The following PCSK6 variants were observed in gnomAD, a reference collection of about 807,000 sequenced individuals.
The protein encoded by PCSK6 is paired basic amino acid cleaving enzyme 4.
PCSK6 carries 85 observed loss-of-function variants against 123.3 expected under a neutral mutation model. The observed-to-expected ratio is 0.69, with a 90% CI of 0.58 to 0.83. The LOEUF (loss-of-function observed/expected upper bound fraction) is 0.83, where lower values mean the gene tolerates loss of function less well. Among genes scored for constraint, PCSK6 ranks in the 40% least tolerant of loss-of-function variants. PCSK6 has a pLI of 0.00. For synonymous variants in PCSK6, 508 were observed against 516.0 expected (o/e 0.98, Z 0.21); for missense variants, 1,191 against 1,282.3 (o/e 0.93, Z 1.09).
At chr15:101,447,532 A>T (rs1244642207) in intron 1 of PCSK6, among the ~76,000 whole-genome samples, 2 of 152,206 alleles carry the variant, frequency 1.3e-5, no homozygotes, top group Non-Finnish European at 2.9e-5. Context: ...ATACTAAATG[A>T]CATACAGATA....
At chr15:101,449,541 G>T (rs981786690) in intron 1 of PCSK6, among the ~76,000 whole-genome samples, 6 of 152,174 alleles carry the variant, frequency 3.9e-5, no homozygotes, top group African/African-American at 1.4e-4. Context: ...TCTCACATCC[G>T]AGTGAGCCTC....
intron 15 of PCSK6, among the ~76,000 whole-genome samples, chr15:101,328,442 A>G (rs1321521438): frequency 1.3e-5 from 2 of 152,160 alleles, no homozygotes; most frequent in Non-Finnish European, 2.9e-5. Flanking sequence ...CAGGTGCTCA[A>G]TCACTATTTG....
chr15:101,439,750 C>G (rs946638802), intron 2 of PCSK6, among the ~76,000 whole-genome samples: 2 of 152,250 alleles, frequency 1.3e-5, no homozygotes, highest in Non-Finnish European at 2.9e-5. Context: ...TGATTAAACT[C>G]CGGGGGCAAA....
intron 20 of PCSK6, chr15:101,312,494 A>C (rs1343050355): frequency 6.7e-6 from 1 of 150,240 alleles, no homozygotes; most frequent in Non-Finnish European, 1.5e-5. Context: ...TAGAATGAGG[A>C]AATTGTCAGG....
intron 6 of PCSK6, among the ~76,000 whole-genome samples, chr15:101,412,500 T>C (rs958630186): frequency 2.6e-5 from 4 of 151,216 alleles, no homozygotes; most frequent in Non-Finnish European, 5.9e-5. Context: ...AGGTGAGCAA[T>C]TACAAATATG....
At chr15:101,477,481 T>A (rs2057761596) in intron 1 of PCSK6, among the ~76,000 whole-genome samples, 1 of 152,200 alleles carries the variant, frequency 6.6e-6, no homozygotes, top group Admixed American at 6.5e-5. Context: ...ATACAGGATA[T>A]TCAACCTGCA....
intron 4 of PCSK6, 106 bp downstream of exon 4, chr15:101,431,214 A>T: frequency 8.6e-7 from 1 of 1,168,426 alleles, no homozygotes; most frequent in Non-Finnish European, 1.2e-6. Flanking sequence ...TGCCTAACTT[A>T]ATGGGGGCTG....
At chr15:101,463,758 G>C (rs1202936950) in intron 1 of PCSK6, among the ~76,000 whole-genome samples, 1 of 152,202 alleles carries the variant, frequency 6.6e-6, no homozygotes, top group African/African-American at 2.4e-5. Context: ...GTGCCGGGGA[G>C]TTGGGGTGTG....
chr15:101,324,778 T>C lies in PCSK6; in HGVS notation c.2377+72A>G, dbSNP rs1201062435. The C allele has an allele frequency of 5.4e-6, 7 of 1,296,562 alleles. No individual in the cohort carries two copies. In the Middle Eastern group the frequency reaches 5.6e-4, roughly 104 times the overall value. The allele number at this position is 1,296,562 out of a possible 1,614,324, so 80.3% of individuals were successfully genotyped here. On this transcript the variant is annotated intron_variant, in intron 17 of 21. Coordinates refer to ENST00000611716, the MANE Select transcript of PCSK6 (RefSeq NM_002570.5). ...AAGCAGAAGGCTGGGAAATTCTCCCTGGAGAGAGGACACGGGCCCAGAAAG... is the reference window on the plus strand; with the variant it reads ...AAGCAGAAGGCTGGGAAATTCTCCCCGGAGAGAGGACACGGGCCCAGAAAG...
intron 11 of PCSK6, among the ~76,000 whole-genome samples, chr15:101,377,634 CATAA>C (rs1029050608): frequency 6.6e-6 from 1 of 152,240 alleles, no homozygotes; most frequent in African/African-American, 2.4e-5. Flanking sequence ...CATATGTCTT[CATAA>C]ATAGAGTTGT....
chr15:101,341,803 G>A (rs1327771063), intron 13 of PCSK6, among the ~76,000 whole-genome samples: 2 of 152,058 alleles, frequency 1.3e-5, no homozygotes, highest in Non-Finnish European at 2.9e-5. Context: ...CACTAGAAAT[G>A]GTAAGCATGT....
intron 5 of PCSK6, among the ~76,000 whole-genome samples, chr15:101,429,270 C>T (rs796142374): frequency 7.2e-5 from 11 of 152,258 alleles, no homozygotes; most frequent in African/African-American, 2.6e-4. Flanking sequence ...CCAGGACTGA[C>T]CCCAGGGCTG....
At chr15:101,329,293 C>T (rs889500783) in intron 15 of PCSK6, among the ~76,000 whole-genome samples, 3 of 152,228 alleles carry the variant, frequency 2.0e-5, no homozygotes, top group East Asian at 3.8e-4. Context: ...TTTGCCGTTG[C>T]GCGCTCAGAC....
intron 6 of PCSK6, among the ~76,000 whole-genome samples, chr15:101,425,258 C>T (rs1332652172): frequency 1.3e-5 from 2 of 152,132 alleles, no homozygotes; most frequent in Non-Finnish European, 2.9e-5. Flanking sequence ...TGGCCTTGAC[C>T]CAAGGATCCA....
At chr15:101,412,712 T>TATATATATATATAA (rs376981204) in intron 6 of PCSK6, among the ~76,000 whole-genome samples, 44 of 136,364 alleles carry the variant, frequency 3.2e-4, no homozygotes, top group South Asian at 3.0e-3. Context: ...TATATATATA[T>TATATATATATATAA]AAAATTACCC....
intron 13 of PCSK6, chr15:101,346,847 G>T: frequency 8.1e-7 from 1 of 1,231,666 alleles, no homozygotes; most frequent in Non-Finnish European, 1.0e-6. Context: ...ACAATACTGT[G>T]ATTCATAAAT....
intron 2 of PCSK6, among the ~76,000 whole-genome samples, chr15:101,434,997 C>A (rs915305455): frequency 1.3e-5 from 2 of 152,200 alleles, no homozygotes; most frequent in South Asian, 4.1e-4. Context: ...AACAAAAATG[C>A]ACTGAGTCTT....
At chr15:101,432,649 G>A (rs1386323585) in intron 2 of PCSK6, among the ~76,000 whole-genome samples, 1 of 151,908 alleles carries the variant, frequency 6.6e-6, no homozygotes. Context: ...AAGACAGAGA[G>A]AGAGAGAGAC....
rs765429656 is a variant in PCSK6 at position 101,318,419 on chromosome 15, A to G, written c.2469T>C (p.Leu823=). The G allele has an allele frequency of 3.2e-6, 5 of 1,555,406 alleles. No homozygotes were observed. The Admixed American group carries it at 9.7e-5, about 30-fold the overall frequency. Residue 823 remains leucine, a synonymous_variant, in exon 19 of 22, where the codon CTT becomes CTC. Transcript: ENST00000611716. ...KCTVCKEGFS[L]ARGSCIPDCE... is the part of the protein sequence containing the mutation. The stretch of plus-strand genomic sequence containing the variant: ...AGTCAGGAATGCAGCTGCCCCGTGC[A>G]AGGCTGTTGAAAAGAAAGAGGCAGA...
Sources: allele counts gnomAD v4.1 joint callset (sites outside exome capture counted in the v4.1 genomes callset), GRCh38; gene constraint gnomAD v4.1.1; transcripts MANE v1.5; gene names NCBI Gene and HGNC (gene_info 2026-07-23, HGNC 2026-07-21).